The following GP5 variants were observed in gnomAD, a reference collection of about 807,000 sequenced individuals.
GP5 encodes platelet glycoprotein V.
For missense variants in GP5, 755 were observed against 737.1 expected (o/e 1.02, Z -0.28); for synonymous variants, 382 against 353.9 (o/e 1.08, Z -0.89).
At position 194,398,279 on chromosome 3, in the gene GP5, G is replaced by T; in HGVS notation, c.4C>A (p.Leu2Met). 6.3e-7 allele frequency: 1 copy of T among 1,594,736 alleles called. No homozygotes were observed. Among genetic ancestry groups the T allele is most frequent in the Non-Finnish European group, 8.6e-7 (1 of 1,168,670 alleles). M[L>M]RGTLLCAVLG... is the part of the protein sequence containing the mutation. ...ACCGCGCACAGTAGAGTCCCCCTCA[G>T]CATGTCTGAAAAAGCAACCGTGGGA... Residue 2 changes from leucine to methionine, a missense_variant, in exon 2 of 2, where the codon CTG (leucine) becomes ATG (methionine). By Grantham distance (15) the Leu-to-Met change is conservative. Coordinates refer to ENST00000692618, the MANE Select transcript of GP5 (RefSeq NM_004488.2).
In GP5 at chr3:194,397,131, G is replaced by A; in HGVS notation, c.1152C>T (p.Arg384=). 6.3e-7 allele frequency: 1 copy of A among 1,588,978 alleles called. No homozygotes were observed. Among genetic ancestry groups the A allele is most frequent in the Admixed American group, 1.7e-5 (1 of 58,526 alleles). The change falls in exon 2 of 2, where the codon CGC becomes CGT. Residue 384 remains arginine (R), a synonymous_variant. Transcript: ENST00000692618. This position sits in a 1 kb window ranked among gnomAD's most constrained non-coding sequence, Gnocchi z 7.2. ...GGACGCTCTCCAGGCTGCTGAGATT[G>A]CGGAAGAGGGCACGGGGCAGGGCGC... is the stretch of plus-strand genomic sequence containing the variant. ...RLRALPRALF[R]NLSSLESVQL...
chr3:194,397,018 G>T lies in GP5; in HGVS notation c.1265C>A (p.Ser422Tyr). Residue 422 changes from serine (S) to tyrosine (Y), a missense_variant, in exon 2 of 2, where the codon TCC (serine) becomes TAC (tyrosine). Physicochemically the swap from Ser to Tyr is moderately radical, Grantham distance 144. Coordinates refer to ENST00000692618, the MANE Select transcript of GP5 (RefSeq NM_004488.2). This position sits in a 1 kb window ranked among gnomAD's most constrained non-coding sequence, Gnocchi z 7.2. ...RLTEVLLGHNSWRCDCGLGPF... is the reference protein window; with the variant it reads ...RLTEVLLGHNYWRCDCGLGPF... ...CCCCAGGCCACAGTCGCAGCGCCAG[G>T]AGTTGTGCCCCAACAGGACCTCCGT... 1 of 1,597,570 alleles carries T rather than the reference G, an allele frequency of 6.3e-7. No individual in the cohort carries two copies. Among genetic ancestry groups the T allele is most frequent in the Non-Finnish European group, 8.5e-7 (1 of 1,178,614 alleles).
chr3:194,396,815 C>T lies in GP5; in HGVS notation c.1468G>A (p.Ala490Thr), dbSNP rs377055798. 20 of 1,604,302 alleles carry T rather than the reference C, an allele frequency of 1.2e-5. No homozygotes were observed. Among genetic ancestry groups the T allele is most frequent in the Non-Finnish European group, 1.7e-5 (20 of 1,175,454 alleles). Reference sequence around the variant, plus strand: ...GGAGCCAAGGCTGGGTGGACAGGGGCTTCCGAGGAGCTGTCCGCAGCGGGG... The same window carrying T: ...GGAGCCAAGGCTGGGTGGACAGGGGTTTCCGAGGAGCTGTCCGCAGCGGGG... ...PRPAADSSSE[A>T]PVHPALAPNS... The change falls in exon 2 of 2, where the codon GCC becomes ACC. Residue 490 changes from alanine to threonine, a missense_variant. Ala to Thr is a moderately conservative substitution (Grantham distance 58). Transcript: ENST00000692618.
At position 194,397,493 on chromosome 3, in the gene GP5, G is replaced by A. The variant is rs1714498553; in HGVS notation, c.790C>T (p.His264Tyr). 2.5e-6 allele frequency: 4 copies of A among 1,613,982 alleles called. No homozygotes were observed. The highest frequency in any genetic ancestry group is 3.4e-6 in the Non-Finnish European group (4 of 1,179,980). Residue 264 changes from histidine to tyrosine, a missense_variant, in exon 2 of 2, where the codon CAT (histidine) becomes TAT (tyrosine). Coordinates refer to ENST00000692618, the MANE Select transcript of GP5 (RefSeq NM_004488.2). The surrounding 1 kb of genome is among the most constrained non-coding windows in gnomAD (Gnocchi z 7.2). ...LAFLPSALFL[H>Y]SHNLTLLTLF... ...GTCAACAGAGTCAGATTGTGCGAAT[G>A]AAGAAAGAGCGCAGAGGGGAGAAAC...
At position 194,398,258 on chromosome 3, in the gene GP5, C is replaced by T. The variant is rs768103652; in HGVS notation, c.25G>A (p.Ala9Thr). 1.9e-6 allele frequency: 3 copies of T among 1,608,692 alleles called. No individual in the cohort carries two copies. In the Admixed American group the frequency reaches 5.0e-5, roughly 27 times the overall value. ...TGGGCGCGCAGAAGCCCGAGCACCG[C>T]GCACAGTAGAGTCCCCCTCAGCATG... MLRGTLLC[A>T]VLGLLRAQPF... The change falls in exon 2 of 2, where the codon GCG becomes ACG. Residue 9 changes from alanine to threonine, a missense_variant. Physicochemically the swap from Ala to Thr is moderately conservative, Grantham distance 58 (BLOSUM62 0). Transcript: ENST00000692618.
At position 194,398,038 on chromosome 3, in the gene GP5, G is replaced by C. The variant is rs747049345; in HGVS notation, c.245C>G (p.Ser82Cys). Residue 82 changes from serine (S) to cysteine (C), a missense_variant, in exon 2 of 2, where the codon TCC (serine) becomes TGC (cysteine). Coordinates refer to ENST00000692618, the MANE Select transcript of GP5 (RefSeq NM_004488.2). Reference protein sequence around the residue: ...GMTVLQRLMISDSHISAVAPG... With the variant: ...GMTVLQRLMICDSHISAVAPG... The stretch of plus-strand genomic sequence containing the variant: ...GGCAACGGCGGAAATGTGGCTGTCG[G>C]AGATCATGAGGCGCTGCAGGACGGT... The C allele has an allele frequency of 1.2e-6, 2 of 1,614,142 alleles. No homozygotes were observed. Among genetic ancestry groups the C allele is most frequent in the Admixed American group, 3.3e-5 (2 of 60,030 alleles).
At position 194,397,460 on chromosome 3, in the gene GP5, C is replaced by G; in HGVS notation, c.823G>C (p.Glu275Gln). The G allele has an allele frequency of 6.2e-7, 1 of 1,613,580 alleles. No individual in the cohort carries two copies. Among genetic ancestry groups the G allele is most frequent in the Non-Finnish European group, 8.5e-7 (1 of 1,179,980 alleles). Residue 275 changes from glutamate to glutamine, a missense_variant, in exon 2 of 2, where the codon GAG (glutamate) becomes CAG (glutamine). Glu to Gln is a conservative substitution (Grantham distance 29, BLOSUM62 2). Coordinates refer to ENST00000692618, the MANE Select transcript of GP5 (RefSeq NM_004488.2). The surrounding 1 kb of genome is among the most constrained non-coding windows in gnomAD (Gnocchi z 7.2). ...SHNLTLLTLFENPLAELPGVL... is the reference protein window; with the variant it reads ...SHNLTLLTLFQNPLAELPGVL... ...CCCGGGAGCTCTGCCAGCGGGTTCT[C>G]GAACAGAGTCAACAGAGTCAGATTG...
rs920971615 is a variant in GP5, at chr3:194,396,161, T to C, written c.*439A>G. 2 of 160,656 alleles carry C rather than the reference T, an allele frequency of 1.2e-5. No individual in the cohort carries two copies. The highest frequency in any genetic ancestry group is 4.8e-5 in the African/African-American group (2 of 41,786). The allele number at this position is 160,656 out of a possible 1,614,324, so 10.0% of individuals were successfully genotyped here. A position where few individuals can be genotyped will look rare whatever the true frequency, so the allele number is the denominator to read the frequency against. ...TTGATTTCACAAACATTTACCGGCT[T>C]ACTCTGTGCAGGAGACAGGCCCCGG... On this transcript the variant is annotated 3_prime_UTR_variant, in exon 2 of 2. Transcript: ENST00000692618.
chr3:194,398,136 G>GGGCA lies in GP5; in HGVS notation c.143_146dup (p.Thr50AlafsTer48). The stretch of plus-strand genomic sequence containing the variant: ...AGAGCAGGATGTGCGTGAGGTTGGT[G>GGGCA]GGCAGGCCTAGCGCGGAGATGCGCG... On this transcript the variant is annotated frameshift_variant, in exon 2 of 2. Coordinates refer to ENST00000692618, the MANE Select transcript of GP5 (RefSeq NM_004488.2). LOFTEE classifies it low-confidence loss of function (END_TRUNC). 16 of 1,613,270 alleles carry GGGCA rather than the reference G, an allele frequency of 9.9e-6. No individual in the cohort carries two copies. Among genetic ancestry groups the GGGCA allele is most frequent in the African/African-American group, 1.3e-5 (1 of 75,052 alleles).
Position 194,397,471 on chromosome 3 carries a change from A to C in GP5, c.812T>G (p.Leu271Trp). The change falls in exon 2 of 2, where the codon TTG becomes TGG. Residue 271 changes from leucine to tryptophan, a missense_variant. Coordinates refer to ENST00000692618, the MANE Select transcript of GP5 (RefSeq NM_004488.2). The surrounding 1 kb of genome is among the most constrained non-coding windows in gnomAD (Gnocchi z 7.2). ...TGCCAGCGGGTTCTCGAACAGAGTC[A>C]ACAGAGTCAGATTGTGCGAATGAAG... ...LFLHSHNLTLLTLFENPLAEL... is the reference protein window; with the variant it reads ...LFLHSHNLTLWTLFENPLAEL... 8 of 1,613,824 alleles carry C rather than the reference A, an allele frequency of 5.0e-6. No homozygotes were observed. Among genetic ancestry groups the C allele is most frequent in the Non-Finnish European group, 6.8e-6 (8 of 1,180,002 alleles).
chr3:194,397,617 C>G lies in GP5; in HGVS notation c.666G>C (p.Glu222Asp). 6.2e-7 allele frequency: 1 copy of G among 1,614,052 alleles called. No individual in the cohort carries two copies. ...GLLNSLGALT[E>D]LQFHRNHIRS... is the part of the protein sequence containing the mutation. ...GGATGTGATTTCGGTGGAACTGCAGCTCCGTCAGGGCGCCCAGGCTGTTCA... is the reference window on the plus strand; with the variant it reads ...GGATGTGATTTCGGTGGAACTGCAGGTCCGTCAGGGCGCCCAGGCTGTTCA... The change falls in exon 2 of 2, where the codon GAG becomes GAC. Residue 222 changes from glutamate (E) to aspartate (D), a missense_variant. Glu to Asp is a conservative substitution (Grantham distance 45). Transcript: ENST00000692618. This position sits in a 1 kb window ranked among gnomAD's most constrained non-coding sequence, Gnocchi z 7.2.
At position 194,396,973 on chromosome 3, in the gene GP5, C is replaced by G; in HGVS notation, c.1310G>C (p.Arg437Pro). 1.3e-6 allele frequency: 2 copies of G among 1,578,518 alleles called. No homozygotes were observed. The highest frequency in any genetic ancestry group is 1.7e-6 in the Non-Finnish European group (2 of 1,169,064). Residue 437 changes from arginine (R) to proline (P), a missense_variant, in exon 2 of 2, where the codon CGG becomes CCG. Physicochemically the swap from Arg to Pro is moderately radical, Grantham distance 103 (BLOSUM62 -2). Transcript: ENST00000692618. The stretch of plus-strand genomic sequence containing the variant: ...CCCGCCCACGAGGCCTAGGTGCTGC[C>G]GCAGCCACCCCAGGAAGGGCCCCAG... ...CGLGPFLGWL[R>P]QHLGLVGGEE...
At position 194,397,959 on chromosome 3, in the gene GP5, G is replaced by A. The variant is rs746160624; in HGVS notation, c.324C>T (p.Asn108=). Residue 108 remains asparagine, a synonymous_variant, in exon 2 of 2, where the codon AAC becomes AAT. Transcript: ENST00000692618. This position sits in a 1 kb window ranked among gnomAD's most constrained non-coding sequence, Gnocchi z 7.2. ...GCGCACCTGGAAGATGCGTGATTTTGTTGCGCGACAGCCTCAGGGTTTTCA... is the reference window on the plus strand; with the variant it reads ...GCGCACCTGGAAGATGCGTGATTTTATTGCGCGACAGCCTCAGGGTTTTCA... ...IKLKTLRLSR[N]KITHLPGALL... 6.2e-7 allele frequency: 1 copy of A among 1,614,222 alleles called. No homozygotes were observed. The highest frequency in any genetic ancestry group is 1.1e-5 in the South Asian group (1 of 91,088).
rs1035218886 is a variant in GP5, at chr3:194,397,512, G to A, written c.771C>T (p.Leu257=). The part of the protein sequence containing the change: ...LTLSRNHLAF[L]PSALFLHSHN... ...GCGAATGAAGAAAGAGCGCAGAGGGGAGAAACGCAAGGTGGTTTCTCGAAA... is the reference window on the plus strand; with the variant it reads ...GCGAATGAAGAAAGAGCGCAGAGGGAAGAAACGCAAGGTGGTTTCTCGAAA... Residue 257 remains leucine (L), a synonymous_variant, in exon 2 of 2, where the codon CTC becomes CTT. Coordinates refer to ENST00000692618, the MANE Select transcript of GP5 (RefSeq NM_004488.2). The surrounding 1 kb of genome is among the most constrained non-coding windows in gnomAD (Gnocchi z 7.2). 1 of 1,614,098 alleles carries A rather than the reference G, an allele frequency of 6.2e-7. No individual in the cohort carries two copies. Among genetic ancestry groups the A allele is most frequent in the Non-Finnish European group, 8.5e-7 (1 of 1,180,000 alleles).
Position 194,396,683 on chromosome 3 carries a change from TG to T in GP5, c.1599del (p.Met534Ter). 6.2e-7 allele frequency: 1 copy of T among 1,614,032 alleles called. No individual in the cohort carries two copies. The highest frequency in any genetic ancestry group is 8.5e-7 in the Non-Finnish European group (1 of 1,179,864). On this transcript the variant is annotated frameshift_variant, in exon 2 of 2. Coordinates refer to ENST00000692618, the MANE Select transcript of GP5 (RefSeq NM_004488.2). LOFTEE classifies it high-confidence loss of function. ...GCAAACACGATGATCACGGTGATCA[TG>T]GCCTGAACAGCTAAAAGCAGAAAAT... is the stretch of plus-strand genomic sequence containing the variant. Reference protein sequence around the residue: ...GFYFLLLAVQAMITVIIVFAM... With the variant: ...GFYFLLLAVQXMITVIIVFAM...
In GP5 at chr3:194,396,706, A is replaced by C; in HGVS notation, c.1577T>G (p.Phe526Cys). ...QDHSPFWGFYFLLLAVQAMIT... is the reference protein window; with the variant it reads ...QDHSPFWGFYCLLLAVQAMIT... ...CATGGCCTGAACAGCTAAAAGCAGA[A>C]AATAAAACCCCCAGAACGGACTATG... Residue 526 changes from phenylalanine (F) to cysteine (C), a missense_variant, in exon 2 of 2, where the codon TTT becomes TGT. Coordinates refer to ENST00000692618, the MANE Select transcript of GP5 (RefSeq NM_004488.2). 1 of 1,614,156 alleles carries C rather than the reference A, an allele frequency of 6.2e-7. No homozygotes were observed. The highest frequency in any genetic ancestry group is 8.5e-7 in the Non-Finnish European group (1 of 1,179,996).
chr3:194,397,933 A>C lies in GP5; in HGVS notation c.350T>G (p.Leu117Arg). ...CTCCAGGAGCACCATCTTATCCAGCAGCGCACCTGGAAGATGCGTGATTTT... is the reference window on the plus strand; with the variant it reads ...CTCCAGGAGCACCATCTTATCCAGCCGCGCACCTGGAAGATGCGTGATTTT... ...RNKITHLPGA[L>R]LDKMVLLEQL... The change falls in exon 2 of 2, where the codon CTG becomes CGG. Residue 117 changes from leucine to arginine, a missense_variant. Coordinates refer to ENST00000692618, the MANE Select transcript of GP5 (RefSeq NM_004488.2). The surrounding 1 kb of genome is among the most constrained non-coding windows in gnomAD (Gnocchi z 7.2). 1.2e-6 allele frequency: 2 copies of C among 1,614,220 alleles called. No homozygotes were observed. The highest frequency in any genetic ancestry group is 1.7e-6 in the Non-Finnish European group (2 of 1,180,016).
rs780895842 is a variant in GP5, at chr3:194,397,825, A to G, written c.458T>C (p.Leu153Pro). Reference sequence around the variant, plus strand: ...AAGGAAATCGAGCTGATTCTGGTTCAGAGCGAGCTCCTGCAGGTTAACCAG... The same window carrying G: ...AAGGAAATCGAGCTGATTCTGGTTCGGAGCGAGCTCCTGCAGGTTAACCAG... Reference protein sequence around the residue: ...QKLVNLQELALNQNQLDFLPA... With the variant: ...QKLVNLQELAPNQNQLDFLPA... The change falls in exon 2 of 2, where the codon CTG becomes CCG. Residue 153 changes from leucine (L) to proline (P), a missense_variant. By Grantham distance (98) the Leu-to-Pro change is moderately conservative. Transcript: ENST00000692618. The surrounding 1 kb of genome is among the most constrained non-coding windows in gnomAD (Gnocchi z 7.2). 3 of 1,614,152 alleles carry G rather than the reference A, an allele frequency of 1.9e-6. No homozygotes were observed. The highest frequency in any genetic ancestry group is 2.5e-6 in the Non-Finnish European group (3 of 1,179,992).
chr3:194,398,671 C>G (rs186344507), intron 1 of GP5, among the ~76,000 whole-genome samples: 125 of 152,314 alleles, frequency 8.2e-4, no homozygotes, highest in African/African-American at 2.9e-3. Context: ...CCTGCATTGG[C>G]TATAACCAAC....
Sources: allele counts gnomAD v4.1 joint callset (sites outside exome capture counted in the v4.1 genomes callset), GRCh38; gene constraint gnomAD v4.1.1; non-coding constraint Gnocchi (gnomAD v3.1); transcripts MANE v1.5; gene names NCBI Gene and HGNC (gene_info 2026-07-23, HGNC 2026-07-21).